OPCML: variants seen among roughly 807,000 people sequenced by gnomAD.
OPCML encodes the protein opioid-binding protein/cell adhesion molecule.
Under a neutral mutation model 37.8 loss-of-function variants are expected in OPCML, and 13 were observed. The ratio of observed to expected loss-of-function variants is 0.34; its 90% CI spans 0.22 to 0.55. The LOEUF (loss-of-function observed/expected upper bound fraction) is 0.55, where lower values mean the gene tolerates loss of function less well. Among genes scored for constraint, OPCML ranks in the 20% least tolerant of loss-of-function variants. The pLI is 0.91. For missense variants in OPCML, 341 were observed against 435.6 expected, an observed-to-expected ratio of 0.78 and a Z score of 1.93; for synonymous variants, 176 against 168.8, an observed-to-expected ratio of 1.04 and a Z score of -0.33.
At chr11:133,326,339 T>G (rs1000727037) in intron 1 of OPCML, among the ~76,000 whole-genome samples, 240 of 28,018 alleles carry the variant, frequency 8.6e-3, no homozygotes, top group Non-Finnish European at 0.011. Flanking sequence ...AGTGGGTGTG[T>G]GTATGTGTGT....
intron 2 of OPCML, among the ~76,000 whole-genome samples, chr11:132,776,541 A>C (rs1946815252): frequency 6.6e-6 from 1 of 151,760 alleles, no homozygotes; most frequent in Non-Finnish European, 1.5e-5. Context: ...TTCATGCAAG[A>C]TCTGTTTTTT....
At chr11:132,960,038 A>C (rs999332730) in intron 1 of OPCML, among the ~76,000 whole-genome samples, 1 of 152,162 alleles carries the variant, frequency 6.6e-6, no homozygotes, top group Non-Finnish European at 1.5e-5. Context: ...GAACCTCTTG[A>C]CCTTGACCAC....
chr11:133,096,209 G>A (rs1949000718), intron 1 of OPCML, among the ~76,000 whole-genome samples: 1 of 151,556 alleles, frequency 6.6e-6, no homozygotes, highest in African/African-American at 2.4e-5. Context: ...GGGAATAAAT[G>A]AATTTAGGAA....
At chr11:133,025,173 G>T in intron 1 of OPCML, 3 of 518,292 alleles carry the variant, frequency 5.8e-6, no homozygotes, top group Non-Finnish European at 7.4e-6. Flanking sequence ...CCAATGGTAA[G>T]CATAAATACG....
chr11:133,363,948 C>A (rs185818719), intron 1 of OPCML, among the ~76,000 whole-genome samples: 2 of 152,174 alleles, frequency 1.3e-5, no homozygotes, highest in African/African-American at 4.8e-5. Flanking sequence ...ACATCAAGCT[C>A]GCAGTGACCT....
intron 1 of OPCML, among the ~76,000 whole-genome samples, chr11:132,952,227 C>G (rs981166546): frequency 6.6e-6 from 1 of 152,004 alleles, no homozygotes; most frequent in Non-Finnish European, 1.5e-5. Context: ...TCTCTGGGGC[C>G]CTCTGGTCAT....
intron 2 of OPCML, among the ~76,000 whole-genome samples, chr11:132,758,188 G>A (rs1946127144): frequency 6.6e-6 from 1 of 152,156 alleles, no homozygotes; most frequent in African/African-American, 2.4e-5. Context: ...CCAGTACCAT[G>A]CTATTTTGGT....
chr11:132,927,465 C>T (rs952337783), intron 2 of OPCML, among the ~76,000 whole-genome samples: 3 of 152,026 alleles, frequency 2.0e-5, no homozygotes, highest in African/African-American at 7.2e-5. Flanking sequence ...CCAATAAATC[C>T]ATATCCAGCA....
At chr11:132,945,877 G>T (rs1350923647) in intron 1 of OPCML, among the ~76,000 whole-genome samples, 1 of 152,140 alleles carries the variant, frequency 6.6e-6, no homozygotes, top group East Asian at 1.9e-4. Flanking sequence ...CCACCTCCCG[G>T]GTTCACGCCA....
chr11:132,995,445 C>T (rs1946864512), intron 1 of OPCML, among the ~76,000 whole-genome samples: 1 of 152,032 alleles, frequency 6.6e-6, no homozygotes, highest in African/African-American at 2.4e-5. Context: ...AATCTCTCCT[C>T]TTTCCCTCCC....
intron 2 of OPCML, among the ~76,000 whole-genome samples, chr11:132,854,164 T>C (rs993286447): frequency 6.6e-6 from 1 of 152,172 alleles, no homozygotes; most frequent in African/African-American, 2.4e-5. Context: ...TTACTTACTA[T>C]TACCGATTTA....
intron 1 of OPCML, among the ~76,000 whole-genome samples, chr11:133,322,320 T>C (rs1943350500): frequency 2.0e-5 from 3 of 152,210 alleles, no homozygotes; most frequent in Non-Finnish European, 4.4e-5. Context: ...AAACATATCA[T>C]GGTTGGATTA....
chr11:133,318,945 T>C (rs917053855), intron 1 of OPCML, among the ~76,000 whole-genome samples: 1 of 152,052 alleles, frequency 6.6e-6, no homozygotes, highest in African/African-American at 2.4e-5. Flanking sequence ...GAACATTTCT[T>C]GAACCCAGGA....
At chr11:133,150,050 C>T (rs978718299) in intron 1 of OPCML, among the ~76,000 whole-genome samples, 2 of 152,256 alleles carry the variant, frequency 1.3e-5, no homozygotes, top group African/African-American at 4.8e-5. Flanking sequence ...CCCACCTCCA[C>T]TCACTCCTTT....
intron 3 of OPCML, among the ~76,000 whole-genome samples, chr11:132,581,600 G>A (rs1056229583): frequency 3.3e-5 from 5 of 152,180 alleles, no homozygotes; most frequent in Admixed American, 2.0e-4. Context: ...AGGCAGAGAA[G>A]AGAGCTCAGC....
intron 1 of OPCML, among the ~76,000 whole-genome samples, chr11:133,091,673 G>C (rs975000731): frequency 2.0e-4 from 30 of 152,100 alleles, no homozygotes; most frequent in Non-Finnish European, 3.4e-4. Flanking sequence ...TTTTAGAATG[G>C]GGATGACTAT....
intron 1 of OPCML, among the ~76,000 whole-genome samples, chr11:133,152,812 C>T (rs111580011): frequency 0.015 from 2,333 of 152,018 alleles, 31 homozygotes; most frequent in Middle Eastern, 0.024. Context: ...AAGCCGAAGC[C>T]CCAGCACGCA....
At chr11:132,518,263 T>C (rs1184009520) in intron 4 of OPCML, among the ~76,000 whole-genome samples, 1 of 152,150 alleles carries the variant, frequency 6.6e-6, no homozygotes, top group African/African-American at 2.4e-5. Flanking sequence ...TGTGTGTTGT[T>C]CCCTTCACTG....
intron 2 of OPCML, among the ~76,000 whole-genome samples, chr11:132,687,494 G>T (rs545227882): frequency 1.1e-4 from 16 of 142,284 alleles, no homozygotes; most frequent in Admixed American, 7.2e-4. Context: ...ACATAAATCC[G>T]ATCTTCTTCT....
Sources: allele counts gnomAD v4.1 joint callset (sites outside exome capture counted in the v4.1 genomes callset), GRCh38; gene constraint gnomAD v4.1.1; transcripts MANE v1.5; gene names NCBI Gene and HGNC (gene_info 2026-07-23, HGNC 2026-07-21).